The following HIRA variants were observed in gnomAD, a reference collection of about 807,000 sequenced individuals.
The protein encoded by HIRA is protein HIRA.
In HIRA, 13 loss-of-function variants were observed where a neutral mutation model predicts 126.6. The observed-to-expected ratio is 0.10, with a 90% confidence interval of 0.07 to 0.16. The LOEUF (loss-of-function observed/expected upper bound fraction) is 0.16. Ranked by LOEUF, HIRA falls within the 10% of genes least tolerant of loss-of-function variation. HIRA has a pLI of 1.00. For missense variants in HIRA, 834 were observed against 1,314.4 expected (o/e 0.63, Z 5.65); for synonymous variants, 511 against 520.0 (o/e 0.98, Z 0.24).
At chr22:19,354,267 C>A in intron 21 of HIRA, 149 bp from the exon 22 acceptor site, 2 of 703,470 alleles carry the variant, frequency 2.8e-6, no homozygotes, top group Non-Finnish European at 2.3e-6. Context: ...CCCTGCACTT[C>A]CGCACAGGCG....
intron 24 of HIRA, among the ~76,000 whole-genome samples, chr22:19,337,962 T>C (rs953631404): frequency 3.9e-5 from 6 of 152,158 alleles, no homozygotes; most frequent in African/African-American, 1.2e-4. Flanking sequence ...TGGATAATTT[T>C]TGTATTTTTA....
At chr22:19,356,096 G>A (rs879989563) in intron 20 of HIRA, 134 bp downstream of exon 20, 64 of 848,954 alleles carry the variant, frequency 7.5e-5, no homozygotes, top group South Asian at 5.5e-4. Context: ...CTCCTGCAGC[G>A]TAACCACACC....
intron 17 of HIRA, among the ~76,000 whole-genome samples, chr22:19,360,960 C>G (rs1457393754): frequency 1.3e-5 from 2 of 152,226 alleles, no homozygotes; most frequent in African/African-American, 4.8e-5. Context: ...GAGAGGAGTC[C>G]TGAAGAGCAC....
chr22:19,357,969 G>A lies in HIRA; in HGVS notation c.2235-918C>T, dbSNP rs561776266. Among the ~76,000 whole-genome samples the A allele has an allele frequency of 2.6e-5, 4 of 152,244 alleles. No homozygotes were observed. The East Asian group carries it at 5.8e-4, about 22-fold the overall frequency. On this transcript the variant is annotated intron_variant, in intron 18 of 24. Coordinates refer to ENST00000263208, the MANE Select transcript of HIRA (RefSeq NM_003325.4). ...ATCAGAGAACACTCTAAGCAGCACG[G>A]GCAACAAGGAGCTCTCTGCAGTGCT...
intron 1 of HIRA, among the ~76,000 whole-genome samples, chr22:19,423,497 A>G (rs1206516313): frequency 1.8e-5 from 2 of 113,592 alleles, no homozygotes; most frequent in African/African-American, 7.0e-5. Flanking sequence ...ACACACACAC[A>G]CACACACACA....
rs1172707703 is a variant in HIRA, at chr22:19,375,728, C to G, written c.1678G>C (p.Glu560Gln). The G allele has an allele frequency of 6.2e-7, 1 of 1,614,082 alleles. No homozygotes were observed. The highest frequency in any genetic ancestry group is 1.1e-5 in the South Asian group (1 of 91,084). ...CGGGAGTCAAACGCTTTCATGGGTT[C>G]GATCTTGGACGGGGTCGTTAACACA... ...PSVLTTPSKI[E>Q]PMKAFDSRFT... Residue 560 changes from glutamate (E) to glutamine (Q), a missense_variant, in exon 15 of 25, where the codon GAA becomes CAA. Glu to Gln is a conservative substitution (Grantham distance 29). Around this residue, in one of 5 missense-constraint regions of HIRA, gnomAD observed 468 missense variants for 574.2 expected, o/e 0.82. Coordinates refer to ENST00000263208, the MANE Select transcript of HIRA (RefSeq NM_003325.4).
At chr22:19,357,107 A>G (rs1360806455) in intron 18 of HIRA, 56 bp from the exon 19 acceptor site, 28 of 1,592,966 alleles carry the variant, frequency 1.8e-5, no homozygotes, top group Non-Finnish European at 2.4e-5. Flanking sequence ...CAGCCAAGAC[A>G]GTAGCCCTGG....
intron 15 of HIRA, among the ~76,000 whole-genome samples, chr22:19,369,352 CTG>C (rs1225210408): frequency 2.0e-5 from 3 of 152,168 alleles, no homozygotes; most frequent in Non-Finnish European, 4.4e-5. Context: ...TGCCCAACCA[CTG>C]TGACGCACAA....
chr22:19,395,612 T>A (rs1214442676), intron 7 of HIRA, among the ~76,000 whole-genome samples: 1 of 152,190 alleles, frequency 6.6e-6, no homozygotes, highest in Non-Finnish European at 1.5e-5. Context: ...TTTGCAGCCA[T>A]CCTGACCAGT....
chr22:19,402,890 G>A (rs955056907), intron 5 of HIRA, among the ~76,000 whole-genome samples: 1 of 151,880 alleles, frequency 6.6e-6, no homozygotes. Context: ...AGGATCGCTT[G>A]AGCCCAAGAG....
chr22:19,394,654 T>G, intron 7 of HIRA, 145 bp from the exon 8 acceptor site: 1 of 809,334 alleles, frequency 1.2e-6, no homozygotes, highest in Middle Eastern at 3.7e-4. Flanking sequence ...TGACAGCTTC[T>G]GTCTCACCAG....
intron 1 of HIRA, among the ~76,000 whole-genome samples, chr22:19,426,346 C>G (rs942779299): frequency 1.3e-5 from 2 of 152,214 alleles, no homozygotes; most frequent in Non-Finnish European, 2.9e-5. Context: ...CCCATTCTCC[C>G]TCTTGCCCTG....
chr22:19,345,455 A>G (rs2088675400), intron 24 of HIRA, among the ~76,000 whole-genome samples: 1 of 152,100 alleles, frequency 6.6e-6, no homozygotes, highest in Non-Finnish European at 1.5e-5. Context: ...GCAACACACA[A>G]CTTAATCACC....
At chr22:19,357,075 G>A (rs2088819709) in intron 18 of HIRA, 24 bp from the exon 19 acceptor site, 1 of 1,612,860 alleles carries the variant, frequency 6.2e-7, no homozygotes, top group African/African-American at 1.3e-5. Context: ...GTGGGGGCAG[G>A]TGTCATGGGG....
intron 7 of HIRA, 28 bp downstream of exon 7, chr22:19,396,759 C>G (rs1402757391): frequency 1.2e-6 from 2 of 1,609,564 alleles, no homozygotes; most frequent in Non-Finnish European, 1.7e-6. Flanking sequence ...GCTGCGGGGG[C>G]TCAGCTCCCT....
intron 24 of HIRA, among the ~76,000 whole-genome samples, chr22:19,340,353 T>C (rs185429271): frequency 6.6e-4 from 100 of 151,968 alleles, no homozygotes; most frequent in East Asian, 2.7e-3. Context: ...AAAACCGTCA[T>C]AGAATGGAAA....
At chr22:19,430,424 T>G (rs2089523068) in intron 1 of HIRA, among the ~76,000 whole-genome samples, 1 of 152,046 alleles carries the variant, frequency 6.6e-6, no homozygotes, top group African/African-American at 2.4e-5. Context: ...GGGACCAAAT[T>G]CAAAACGAAA....
At chr22:19,359,310 C>T (rs747947367) in intron 18 of HIRA, 26 bp downstream of exon 18, 3 of 1,521,722 alleles carry the variant, frequency 2.0e-6, no homozygotes, top group African/African-American at 1.4e-5. Flanking sequence ...GTCACCTGGG[C>T]CGGCTAAGGA....
intron 1 of HIRA, among the ~76,000 whole-genome samples, chr22:19,419,376 G>C (rs778423532): frequency 2.0e-5 from 3 of 151,926 alleles, no homozygotes; most frequent in Non-Finnish European, 4.4e-5. Context: ...CTCTTTTCTT[G>C]GACTGTACCA....
Sources: allele counts gnomAD v4.1 joint callset (sites outside exome capture counted in the v4.1 genomes callset), GRCh38; gene constraint gnomAD v4.1.1; regional missense constraint gnomAD v4.1.1; transcripts MANE v1.5; gene names NCBI Gene and HGNC (gene_info 2026-07-23, HGNC 2026-07-21).